The following DOCK10 variants were observed in gnomAD, a reference collection of about 807,000 sequenced individuals.
The protein encoded by DOCK10 is dedicator of cytokinesis protein 10.
Under a neutral mutation model 280.1 loss-of-function variants are expected in DOCK10, and 145 were observed. That is an observed-to-expected ratio of 0.52 (90% confidence interval 0.45 to 0.59). The LOEUF is 0.59. Ranked by LOEUF, DOCK10 falls within the 20% of genes least tolerant of loss-of-function variation. The probability of loss-of-function intolerance (pLI) is 0.00; values close to 1 mark genes in which losing one functional copy is unlikely to be tolerated. For synonymous variants in DOCK10, 915 were observed against 942.2 expected (o/e 0.97, Z 0.53); for missense variants, 2,368 against 2,651.7 (o/e 0.89, Z 2.35).
intron 19 of DOCK10, 108 bp from the exon 20 acceptor site, chr2:224,845,750 G>A (rs190406378): frequency 5.5e-5 from 57 of 1,034,648 alleles, no homozygotes; most frequent in Non-Finnish European, 7.4e-5. Flanking sequence ...TTGAGACTGC[G>A]TCTTACTCTG....
rs753558258 is a variant in DOCK10, at chr2:224,916,726, T to C, written c.302A>G (p.Glu101Gly). ...AACCAGTAAATTTTCTGCCTTGTGC[T>C]CTGCATCTTCAGGTACTGTTGAGTA... Reference protein sequence around the residue: ...TLYSTVPEDAEHKAENLLVKE... With the variant: ...TLYSTVPEDAGHKAENLLVKE... Residue 101 changes from glutamate (E) to glycine (G), a missense_variant, in exon 3 of 56, where the codon GAG becomes GGG. By Grantham distance (98) the Glu-to-Gly change is moderately conservative. Around this residue, in one of 2 missense-constraint regions of DOCK10, gnomAD observed 1,209 missense variants for 1,250.9 expected, o/e 0.97. Coordinates refer to ENST00000258390, the MANE Select transcript of DOCK10 (RefSeq NM_014689.3). 4.2e-5 allele frequency: 67 copies of C among 1,611,262 alleles called. No homozygotes were observed. Among genetic ancestry groups the C allele is most frequent in the Non-Finnish European group, 5.3e-5 (63 of 1,178,680 alleles).
At chr2:224,810,260 C>G (rs982332790) in intron 31 of DOCK10, among the ~76,000 whole-genome samples, 1 of 152,124 alleles carries the variant, frequency 6.6e-6, no homozygotes, top group Non-Finnish European at 1.5e-5. Context: ...TTGTACCCCT[C>G]TAAGTTTCTG....
rs192518693 is a variant in DOCK10, at chr2:224,945,521, C to A, written c.124-13853G>T. 2.0e-3 allele frequency among the ~76,000 whole-genome samples: 309 copies of A among 152,234 alleles called. 1 individual carries two copies. The highest frequency in any genetic ancestry group is 6.6e-3 in the African/African-American group (276 of 41,538). ...ACTCCTGAGATAGAAACTGAACAAA[C>A]AACAACACAGTACCAACCCTCTGAG... On this transcript the variant is annotated intron_variant, in intron 1 of 55. Coordinates refer to ENST00000258390, the MANE Select transcript of DOCK10 (RefSeq NM_014689.3).
chr2:224,976,908 G>T (rs1210560428), intron 1 of DOCK10, among the ~76,000 whole-genome samples: 2 of 152,164 alleles, frequency 1.3e-5, no homozygotes, highest in African/African-American at 4.8e-5. Context: ...GCACTGTATG[G>T]CTGCAGGCAG....
At chr2:224,879,501 T>C (rs1698844223) in intron 7 of DOCK10, among the ~76,000 whole-genome samples, 1 of 152,198 alleles carries the variant, frequency 6.6e-6, no homozygotes, top group African/African-American at 2.4e-5. Context: ...CTCACTCCTG[T>C]AATCCCAGCG....
chr2:224,822,358 A>C (rs1443684574), intron 28 of DOCK10, among the ~76,000 whole-genome samples: 1 of 152,208 alleles, frequency 6.6e-6, no homozygotes, highest in Admixed American at 6.5e-5. Flanking sequence ...ATTTCCATAC[A>C]TATCCAGTTT....
intron 2 of DOCK10, among the ~76,000 whole-genome samples, chr2:224,922,113 C>T (rs1439165149): frequency 7.8e-6 from 1 of 128,262 alleles, no homozygotes; most frequent in Non-Finnish European, 1.6e-5. Flanking sequence ...GAGCAAAACT[C>T]CATCTCAAAA....
intron 1 of DOCK10, chr2:224,982,299 T>G: frequency 8.1e-7 from 1 of 1,232,046 alleles, no homozygotes. Flanking sequence ...CGTCTACAAA[T>G]GTGTGGACAG....
intron 2 of DOCK10, among the ~76,000 whole-genome samples, chr2:224,926,689 A>G (rs1219787512): frequency 6.6e-6 from 1 of 152,210 alleles, no homozygotes; most frequent in African/African-American, 2.4e-5. Context: ...CCAAAGCAGG[A>G]AGTATTTTCC....
At chr2:224,842,611 T>A (rs1696041879) in intron 22 of DOCK10, among the ~76,000 whole-genome samples, 1 of 152,138 alleles carries the variant, frequency 6.6e-6, no homozygotes, top group Non-Finnish European at 1.5e-5. Flanking sequence ...GTGTGCCCTA[T>A]TTTCTCTTTT....
intron 51 of DOCK10, 130 bp from the exon 52 acceptor site, chr2:224,775,245 C>T: frequency 1.3e-6 from 1 of 797,468 alleles, no homozygotes; most frequent in Non-Finnish European, 2.1e-6. Flanking sequence ...TGGGCAGTCA[C>T]ATCATTTCAG....
intron 1 of DOCK10, chr2:224,946,959 C>A (rs902919121): frequency 6.5e-7 from 1 of 1,537,154 alleles, no homozygotes; most frequent in Non-Finnish European, 8.8e-7. Context: ...CATCGTATTG[C>A]TATAATTTGA....
intron 1 of DOCK10, among the ~76,000 whole-genome samples, chr2:224,960,260 C>T (rs1242162455): frequency 3.9e-5 from 6 of 152,164 alleles, no homozygotes; most frequent in Admixed American, 6.5e-5. Context: ...AGCTCTTCCT[C>T]CAGTCTGAGG....
chr2:224,940,739 G>A (rs561466708), intron 1 of DOCK10, among the ~76,000 whole-genome samples: 20 of 152,272 alleles, frequency 1.3e-4, no homozygotes, highest in Admixed American at 6.5e-4. Flanking sequence ...TTAAGACCCC[G>A]TTTACCTTCA....
chr2:224,907,403 G>A (rs948238181), intron 3 of DOCK10, among the ~76,000 whole-genome samples: 2 of 152,050 alleles, frequency 1.3e-5, no homozygotes, highest in Non-Finnish European at 2.9e-5. Context: ...ATTAAGAATA[G>A]AGGGCCAGGC....
chr2:224,870,827 T>A, intron 11 of DOCK10, among the ~76,000 whole-genome samples: 1 of 133,648 alleles, frequency 7.5e-6, no homozygotes, highest in South Asian at 2.6e-4. Context: ...TTTTTTTTTT[T>A]TTTTTTTTTT....
At chr2:224,889,659 G>A (rs1575003380) in intron 4 of DOCK10, among the ~76,000 whole-genome samples, 2 of 152,186 alleles carry the variant, frequency 1.3e-5, no homozygotes, top group African/African-American at 4.8e-5. Context: ...TTTGGTCAGG[G>A]TCAACTTTAT....
chr2:224,931,108 A>T (rs139818830), intron 2 of DOCK10, among the ~76,000 whole-genome samples: 1 of 152,354 alleles, frequency 6.6e-6, no homozygotes, highest in African/African-American at 2.4e-5. Context: ...GTATCTCCTT[A>T]TGAAAGACAA....
intron 25 of DOCK10, among the ~76,000 whole-genome samples, chr2:224,836,601 ATTT>A (rs774289520): frequency 7.0e-6 from 1 of 143,148 alleles, no homozygotes; most frequent in Non-Finnish European, 1.5e-5. Flanking sequence ...GGAGTGTGGA[ATTT>A]TTTTTTTTTT....
Sources: gnomAD v4.1 joint callset for allele counts (sites outside exome capture counted in the v4.1 genomes callset) on GRCh38, gnomAD v4.1.1 for gene constraint, gnomAD v4.1.1 regional missense constraint, MANE v1.5 for transcripts, NCBI Gene and HGNC (gene_info 2026-07-23, HGNC 2026-07-21) for gene names.